The following KCTD1 variants were observed in gnomAD, a reference collection of about 807,000 sequenced individuals.
The protein encoded by KCTD1 is BTB/POZ domain-containing protein KCTD1.
In KCTD1, 24 loss-of-function variants were observed where a neutral mutation model predicts 66.0. The observed-to-expected ratio is 0.36, with a 90% CI of 0.26 to 0.51. KCTD1 has a LOEUF of 0.51. Ranked by LOEUF, KCTD1 falls within the 20% of genes least tolerant of loss-of-function variation. The pLI, the probability that KCTD1 is intolerant of heterozygous loss-of-function variation, is 0.95. For synonymous variants in KCTD1, 511 were observed against 517.2 expected (o/e 0.99, Z 0.16); for missense variants, 943 against 1,205.2 (o/e 0.78, Z 3.22).
chr18:26,565,407 T>C (rs934194822), intron 1 of KCTD1, among the ~76,000 whole-genome samples: 1 of 152,214 alleles, frequency 6.6e-6, no homozygotes, highest in African/African-American at 2.4e-5. Flanking sequence ...TAAAACAGGA[T>C]TTAAATTCTG....
intron 1 of KCTD1, among the ~76,000 whole-genome samples, chr18:26,521,792 G>C (rs1406639027): frequency 6.6e-6 from 1 of 152,182 alleles, no homozygotes; most frequent in Non-Finnish European, 1.5e-5. Context: ...GCAGGAAGCA[G>C]AGCAGTGGCT....
chr18:26,465,699 G>C (rs1310712277), intron 3 of KCTD1, among the ~76,000 whole-genome samples: 1 of 152,200 alleles, frequency 6.6e-6, no homozygotes, highest in Non-Finnish European at 1.5e-5. Context: ...AGGCCCACCA[G>C]CATTCTGAAA....
At chr18:26,657,202 A>C (rs1366305880) in intron 1 of KCTD1, among the ~76,000 whole-genome samples, 5 of 150,956 alleles carry the variant, frequency 3.3e-5, no homozygotes, top group Non-Finnish European at 7.4e-5. Context: ...CCGCGGGTCC[A>C]AGCGGATTCC....
intron 1 of KCTD1, among the ~76,000 whole-genome samples, chr18:26,502,243 G>T (rs1982801928): frequency 6.6e-6 from 1 of 152,164 alleles, no homozygotes; most frequent in Non-Finnish European, 1.5e-5. Context: ...TAGAGACGGG[G>T]TTTCACCGTG....
intron 1 of KCTD1, among the ~76,000 whole-genome samples, chr18:26,582,541 T>C (rs1986378877): frequency 6.6e-6 from 1 of 152,196 alleles, no homozygotes; most frequent in Admixed American, 6.5e-5. Context: ...TGATTCTAAT[T>C]TCAGAAAGTT....
intron 1 of KCTD1, among the ~76,000 whole-genome samples, chr18:26,647,725 T>G (rs1987956760): frequency 6.6e-6 from 1 of 152,010 alleles, no homozygotes; most frequent in Admixed American, 6.6e-5. Flanking sequence ...ACCAATGTAG[T>G]TCATACTGCA....
chr18:26,533,198 C>T (rs563903502), intron 1 of KCTD1, among the ~76,000 whole-genome samples: 1 of 152,188 alleles, frequency 6.6e-6, no homozygotes, highest in Non-Finnish European at 1.5e-5. Flanking sequence ...AGCCCTCTTA[C>T]CAAGCAATGC....
chr18:26,528,874 T>C lies in KCTD1; in HGVS notation c.1809+17854A>G, dbSNP rs113433791. On this transcript the variant is annotated intron_variant, in intron 1 of 4. Coordinates refer to ENST00000580059, the MANE Select transcript of KCTD1 (RefSeq NM_001142730.3). Reference sequence around the variant, plus strand: ...TCTATGCCGGCAACACTTTTTTTGCTTTGCCTCCACAGATTCCAGTTTCTT... The same window carrying C: ...TCTATGCCGGCAACACTTTTTTTGCCTTGCCTCCACAGATTCCAGTTTCTT... Among the ~76,000 whole-genome samples the C allele has an allele frequency of 2.2e-3, 338 of 152,332 alleles. 2 individuals are homozygous for C. The highest frequency in any genetic ancestry group is 7.2e-3 in the African/African-American group (300 of 41,582).
At chr18:26,466,396 C>T (rs552716044) in intron 3 of KCTD1, among the ~76,000 whole-genome samples, 3 of 152,328 alleles carry the variant, frequency 2.0e-5, no homozygotes, top group Non-Finnish European at 2.9e-5. Flanking sequence ...AACTAGTAAG[C>T]GCTTCCTGTC....
intron 2 of KCTD1, among the ~76,000 whole-genome samples, chr18:26,479,720 G>C (rs1366361771): frequency 6.6e-6 from 1 of 152,272 alleles, no homozygotes; most frequent in Admixed American, 6.5e-5. Flanking sequence ...AAGGAGGAAC[G>C]TTGGAGTTGT....
intron 1 of KCTD1, chr18:26,544,671 C>T (rs2144826067): frequency 6.6e-6 from 1 of 152,266 alleles, no homozygotes; most frequent in South Asian, 2.1e-4. Flanking sequence ...CATTAAGCCC[C>T]AGGAAATGCA....
chr18:26,647,551 A>AAAAAAC (rs1987953804), intron 1 of KCTD1, among the ~76,000 whole-genome samples: 1 of 131,312 alleles, frequency 7.6e-6, no homozygotes, highest in Non-Finnish European at 1.6e-5. Flanking sequence ...AAAAAAAAAA[A>AAAAAAC]AAAGGGCTGA....
At chr18:26,507,472 C>T (rs540583197) in intron 1 of KCTD1, among the ~76,000 whole-genome samples, 4 of 152,158 alleles carry the variant, frequency 2.6e-5, no homozygotes, top group South Asian at 2.1e-4. Context: ...TGGGGTCAAG[C>T]GATCCTCCTG....
chr18:26,597,576 T>C (rs556856516), intron 1 of KCTD1, among the ~76,000 whole-genome samples: 2 of 152,100 alleles, frequency 1.3e-5, no homozygotes, highest in East Asian at 1.9e-4. Context: ...TGTACATACA[T>C]GCTTCCTAAC....
At chr18:26,620,348 TAAAAA>T (rs10594272) in intron 1 of KCTD1, among the ~76,000 whole-genome samples, 24,841 of 87,254 alleles carry the variant, frequency 0.28, 3,295 homozygotes, top group Middle Eastern at 0.44. Flanking sequence ...AGGTAAATCT[TAAAAA>T]AAAAAAAAAA....
intron 1 of KCTD1, among the ~76,000 whole-genome samples, chr18:26,619,970 T>C (rs1207409058): frequency 6.6e-6 from 1 of 152,180 alleles, no homozygotes; most frequent in Non-Finnish European, 1.5e-5. Context: ...CTTTCCTCAA[T>C]AGTATATTGT....
intron 1 of KCTD1, among the ~76,000 whole-genome samples, chr18:26,637,667 A>C (rs2145057256): frequency 6.6e-6 from 1 of 152,320 alleles, no homozygotes; most frequent in East Asian, 1.9e-4. Context: ...CCAGAACACA[A>C]AAGAAGGCAT....
chr18:26,549,329 C>T (rs1392965940), upstream of KCTD1: 11 of 985,380 alleles, frequency 1.1e-5, no homozygotes, highest in Non-Finnish European at 1.3e-5. Context: ...CGAAACACGC[C>T]CCACGTCAGC....
intron 1 of KCTD1, among the ~76,000 whole-genome samples, chr18:26,652,879 C>G (rs1316455102): frequency 6.6e-6 from 1 of 152,194 alleles, no homozygotes; most frequent in African/African-American, 2.4e-5. Context: ...CTTCAGAATT[C>G]CCGCGTCTAT....
Sources: allele counts gnomAD v4.1 joint callset (sites outside exome capture counted in the v4.1 genomes callset), GRCh38; gene constraint gnomAD v4.1.1; transcripts MANE v1.5; gene names NCBI Gene and HGNC (gene_info 2026-07-23, HGNC 2026-07-21).